Variants in LRRC4C observed in about 807,000 individuals in gnomAD.
LRRC4C encodes leucine-rich repeat-containing protein 4C.
LRRC4C carries 5 observed loss-of-function variants against 33.6 expected under a neutral mutation model. The observed-to-expected ratio is 0.15, with a 90% CI of 0.08 to 0.31. The LOEUF (loss-of-function observed/expected upper bound fraction) is 0.31, where lower values mean the gene tolerates loss of function less well. LRRC4C is among the 10% of genes least tolerant of loss of function. The probability of loss-of-function intolerance (pLI) is 1.00; values close to 1 mark genes in which losing one functional copy is unlikely to be tolerated. For synonymous variants in LRRC4C, 329 were observed against 302.0 expected (o/e 1.09, Z -0.93); for missense variants, 560 against 796.7 (o/e 0.70, Z 3.58).
chr11:41,080,030 G>A (rs1939448806), intron 1 of LRRC4C, among the ~76,000 whole-genome samples: 1 of 152,100 alleles, frequency 6.6e-6, no homozygotes. Context: ...CATAATGGGA[G>A]TCATGGGTCA....
chr11:40,832,561 A>G (rs1214170284), intron 2 of LRRC4C, among the ~76,000 whole-genome samples: 1 of 152,102 alleles, frequency 6.6e-6, no homozygotes, highest in Non-Finnish European at 1.5e-5. Context: ...GAGGACACCT[A>G]CTTCAGTCTT....
At chr11:41,012,140 C>G (rs1183067402) in intron 1 of LRRC4C, among the ~76,000 whole-genome samples, 3 of 151,972 alleles carry the variant, frequency 2.0e-5, no homozygotes, top group Non-Finnish European at 4.4e-5. Flanking sequence ...TTACTGTAAA[C>G]TACAGTCACT....
intron 1 of LRRC4C, among the ~76,000 whole-genome samples, chr11:40,963,378 T>C (rs1851103630): frequency 6.6e-6 from 1 of 151,728 alleles, no homozygotes. Flanking sequence ...CTCAAATAAG[T>C]CTCATCAATG....
At chr11:41,230,917 A>AC (rs1555117477) in intron 1 of LRRC4C, among the ~76,000 whole-genome samples, 2,990 of 150,688 alleles carry the variant, frequency 0.02, 86 homozygotes, top group African/African-American at 0.061. Flanking sequence ...AAAAAAAAAA[A>AC]AAAAAACCAA....
intron 3 of LRRC4C, among the ~76,000 whole-genome samples, chr11:40,344,462 G>A (rs919938977): frequency 6.6e-6 from 1 of 152,090 alleles, no homozygotes; most frequent in Non-Finnish European, 1.5e-5. Context: ...ATTCCTTTAT[G>A]TTAAAAACAC....
rs374478891 is a variant in LRRC4C, at chr11:40,753,216, C to T, written c.-406-104938G>A. On this transcript the variant is annotated intron_variant, in intron 2 of 6. Coordinates refer to ENST00000528697, the MANE Select transcript of LRRC4C (RefSeq NM_001258419.2). ...ACAGAGATAATAGAAGAAATTACTT[C>T]GAATGCTTTATAGCCGATTAGGGTG... 7.2e-5 allele frequency among the ~76,000 whole-genome samples: 11 copies of T among 151,822 alleles called. No individual in the cohort carries two copies. In the East Asian group the frequency reaches 7.8e-4, roughly 11 times the overall value.
At chr11:41,126,651 C>A (rs1482730575) in intron 1 of LRRC4C, among the ~76,000 whole-genome samples, 3 of 151,970 alleles carry the variant, frequency 2.0e-5, no homozygotes, top group Admixed American at 6.6e-5. Context: ...CTTCCTTTGG[C>A]CCATAGGGCA....
intron 1 of LRRC4C, among the ~76,000 whole-genome samples, chr11:41,332,766 A>T (rs1485863435): frequency 6.6e-6 from 1 of 152,174 alleles, no homozygotes; most frequent in East Asian, 1.9e-4. Flanking sequence ...TTCTATTAGC[A>T]ACTTGGGGTT....
intron 5 of LRRC4C, among the ~76,000 whole-genome samples, chr11:40,174,527 G>T (rs530784221): frequency 4.7e-4 from 72 of 152,260 alleles, no homozygotes; most frequent in Middle Eastern, 3.4e-3. Context: ...AGGCAGTATT[G>T]TCTCAGTACC....
chr11:40,226,594 T>C (rs750344799), intron 5 of LRRC4C, among the ~76,000 whole-genome samples: 1 of 152,172 alleles, frequency 6.6e-6, no homozygotes, highest in Admixed American at 6.5e-5. Flanking sequence ...CTTAGTCAGA[T>C]TCCGTAGATT....
intron 2 of LRRC4C, among the ~76,000 whole-genome samples, chr11:40,713,190 G>A (rs989612637): frequency 1.3e-5 from 2 of 151,742 alleles, no homozygotes; most frequent in African/African-American, 2.4e-5. Context: ...CACTGTGCCC[G>A]GCCATTATTT....
At chr11:40,215,882 A>G (rs1036415118) in intron 5 of LRRC4C, among the ~76,000 whole-genome samples, 2 of 152,020 alleles carry the variant, frequency 1.3e-5, no homozygotes, top group Non-Finnish European at 2.9e-5. Context: ...AAGAATGGAC[A>G]CTCTTTGGCA....
At chr11:40,259,664 A>G (rs1362623486) in intron 4 of LRRC4C, among the ~76,000 whole-genome samples, 1 of 152,186 alleles carries the variant, frequency 6.6e-6, no homozygotes, top group Non-Finnish European at 1.5e-5. Context: ...TTTATTAAAT[A>G]GGGAACCCTT....
At chr11:40,581,207 A>C (rs146242974) in intron 3 of LRRC4C, among the ~76,000 whole-genome samples, 11 of 152,346 alleles carry the variant, frequency 7.2e-5, no homozygotes, top group Non-Finnish European at 1.2e-4. Flanking sequence ...CAACATGTTC[A>C]ACTATAGAAG....
intron 2 of LRRC4C, among the ~76,000 whole-genome samples, chr11:40,742,374 T>C (rs1170190047): frequency 6.6e-6 from 1 of 152,022 alleles, no homozygotes; most frequent in Non-Finnish European, 1.5e-5. Context: ...TTTGATTCAT[T>C]ACAACTTCCT....
At chr11:40,597,980 G>C (rs549905655) in intron 3 of LRRC4C, among the ~76,000 whole-genome samples, 3 of 152,176 alleles carry the variant, frequency 2.0e-5, no homozygotes, top group Admixed American at 2.0e-4. Flanking sequence ...ATTAAGGTTT[G>C]AAAGCCTATT....
intron 2 of LRRC4C, among the ~76,000 whole-genome samples, chr11:40,696,903 A>C (rs1237963012): frequency 1.3e-5 from 2 of 151,330 alleles, no homozygotes; most frequent in African/African-American, 4.8e-5. Context: ...TGAATTAGCC[A>C]ACAACTTCAA....
chr11:40,825,357 C>T (rs955290033), intron 2 of LRRC4C, among the ~76,000 whole-genome samples: 5 of 151,826 alleles, frequency 3.3e-5, no homozygotes, highest in African/African-American at 1.2e-4. Flanking sequence ...GGAGACTGCC[C>T]ATTCTCGGTT....
Position 40,670,559 on chromosome 11 carries a change from A to G in LRRC4C, c.-406-22281T>C, listed in dbSNP as rs1052632483. Among the ~76,000 whole-genome samples the G allele has an allele frequency of 2.2e-4, 34 of 152,300 alleles. 1 individual carries two copies. Among genetic ancestry groups the G allele is most frequent in the African/African-American group, 7.9e-4 (33 of 41,564 alleles). On this transcript the variant is annotated intron_variant, in intron 2 of 6. Coordinates refer to ENST00000528697, the MANE Select transcript of LRRC4C (RefSeq NM_001258419.2). Reference sequence around the variant, plus strand: ...TTCCCATTTCCTGAAGGATAACAGCAATACACCTTTTTGAAAACAAAACAA... The same window carrying G: ...TTCCCATTTCCTGAAGGATAACAGCGATACACCTTTTTGAAAACAAAACAA...
Sources: gnomAD v4.1 joint callset for allele counts (sites outside exome capture counted in the v4.1 genomes callset) on GRCh38, gnomAD v4.1.1 for gene constraint, MANE v1.5 for transcripts, NCBI Gene and HGNC (gene_info 2026-07-23, HGNC 2026-07-21) for gene names.